Variants in DSTYK observed in about 807,000 individuals in gnomAD.
DSTYK encodes the protein dual serine/threonine and tyrosine protein kinase, also known as RIP-homologous kinase.
Under a neutral mutation model 98.7 loss-of-function variants are expected in DSTYK, and 34 were observed. The ratio of observed to expected loss-of-function variants is 0.34; its 90% CI spans 0.26 to 0.46. DSTYK has a LOEUF of 0.46. Ranked by LOEUF, DSTYK falls within the 20% of genes least tolerant of loss-of-function variation. The pLI is 1.00. For missense variants in DSTYK, 962 were observed against 1,181.7 expected, an observed-to-expected ratio of 0.81 and a Z score of 2.73; for synonymous variants, 462 against 457.3, an observed-to-expected ratio of 1.01 and a Z score of -0.13.
chr1:205,159,088 T>A (rs572448395), intron 9 of DSTYK, among the ~76,000 whole-genome samples: 1,949 of 144,570 alleles, frequency 0.013, 30 homozygotes, highest in African/African-American at 0.045. Flanking sequence ...TCTTTAAAAA[T>A]TTTTTTTTTT....
intron 2 of DSTYK, among the ~76,000 whole-genome samples, chr1:205,172,061 A>G (rs1658080594): frequency 6.6e-6 from 1 of 152,082 alleles, no homozygotes; most frequent in Non-Finnish European, 1.5e-5. Flanking sequence ...GTTCAAGTGA[A>G]TTCTCCTGCC....
Position 205,187,587 on chromosome 1 carries a change from C to G in DSTYK, c.485G>C (p.Arg162Pro). 6.2e-7 allele frequency: 1 copy of G among 1,614,138 alleles called. No individual in the cohort carries two copies. Among genetic ancestry groups the G allele is most frequent in the African/African-American group, 1.3e-5 (1 of 75,028 alleles). The change falls in exon 2 of 13, where the codon CGG becomes CCG. Residue 162 changes from arginine (R) to proline (P), a missense_variant. Transcript: ENST00000367162. The stretch of plus-strand genomic sequence containing the variant: ...CTGTCCAGGGAGCGCCAGGCTGACC[C>G]GAGTCTGAGTCCCATAGGTGAAGCG... ...RLRFTYGTQTRVSLALPGQYE... is the reference protein window; with the variant it reads ...RLRFTYGTQTPVSLALPGQYE...
intron 1 of DSTYK, among the ~76,000 whole-genome samples, chr1:205,196,812 T>C (rs942434845): frequency 2.1e-5 from 3 of 142,462 alleles, no homozygotes; most frequent in Admixed American, 7.5e-5. Flanking sequence ...TTGCCCAAGC[T>C]GGAGTACAAT....
Position 205,211,296 on chromosome 1 carries a change from A to T in DSTYK, c.240T>A (p.Asp80Glu), listed in dbSNP as rs1659368214. The T allele has an allele frequency of 6.2e-7, 1 of 1,608,624 alleles. No individual in the cohort carries two copies. Among genetic ancestry groups the T allele is most frequent in the Non-Finnish European group, 8.5e-7 (1 of 1,178,028 alleles). Residue 80 changes from aspartate to glutamate, a missense_variant, in exon 1 of 13, where the codon GAT becomes GAA. Coordinates refer to ENST00000367162, the MANE Select transcript of DSTYK (RefSeq NM_015375.3). Reference protein sequence around the residue: ...GGGAERGPAGDVAETGLQAGQ... With the variant: ...GGGAERGPAGEVAETGLQAGQ... ...CCGCCTGCAGCCCGGTTTCGGCGAC[A>T]TCGCCTGCAGGGCCGCGCTCGGCCC...
Position 205,149,840 on chromosome 1 carries a change from T to A in DSTYK, c.2467+840A>T, listed in dbSNP as rs187338303. Among the ~76,000 whole-genome samples the A allele has an allele frequency of 2.0e-5, 3 of 152,348 alleles. No individual in the cohort carries two copies. The East Asian group carries it at 5.8e-4, about 29-fold the overall frequency. On this transcript the variant is annotated intron_variant, in intron 11 of 12. Coordinates refer to ENST00000367162, the MANE Select transcript of DSTYK (RefSeq NM_015375.3). ...TTTGCTACTATTCCCCAAATGGATT[T>A]CTTTCCTGTCATGCTTATTTCTATT...
intron 2 of DSTYK, chr1:205,173,435 TTAAAG>T (rs1186172485): frequency 7.5e-5 from 11 of 146,936 alleles, no homozygotes; most frequent in South Asian, 4.4e-4. Context: ...AACAGTTACA[TTAAAG>T]TAAAGAATTA....
intron 3 of DSTYK, among the ~76,000 whole-genome samples, chr1:205,166,163 T>C (rs2102408171): frequency 6.6e-6 from 1 of 152,280 alleles, no homozygotes; most frequent in South Asian, 2.1e-4. Flanking sequence ...CCCTCTAAGA[T>C]ACATATTAAA....
chr1:205,203,230 C>G (rs2102479399), intron 1 of DSTYK, among the ~76,000 whole-genome samples: 1 of 151,456 alleles, frequency 6.6e-6, no homozygotes, highest in East Asian at 1.9e-4. Flanking sequence ...CGCCTGTAAT[C>G]CCAGCACCTT....
intron 10 of DSTYK, among the ~76,000 whole-genome samples, chr1:205,152,785 G>A (rs1657443420): frequency 6.6e-6 from 1 of 151,968 alleles, no homozygotes; most frequent in Non-Finnish European, 1.5e-5. Flanking sequence ...AGAAACTTTT[G>A]GATTTTGGAG....
In DSTYK at chr1:205,150,607, G is replaced by A. The variant is rs987600952; in HGVS notation, c.2467+73C>T. 11 of 1,230,660 alleles carry A rather than the reference G, an allele frequency of 8.9e-6. No homozygotes were observed. In the African/African-American group the frequency reaches 1.1e-4, roughly 12 times the overall value. The allele number at this position is 1,230,660 out of a possible 1,614,324, so 76.2% of individuals were successfully genotyped here. On this transcript the variant is annotated intron_variant, in intron 11 of 12. Transcript: ENST00000367162. The surrounding 1 kb of genome is among the most constrained non-coding windows in gnomAD (Gnocchi z 4.1). ...ACCTGCCAGTAGTGATTGTGGAAACGAGCTCAAGGGGTAGCACTCAGGATT... is the reference window on the plus strand; with the variant it reads ...ACCTGCCAGTAGTGATTGTGGAAACAAGCTCAAGGGGTAGCACTCAGGATT...
rs1657141835 is a variant in DSTYK at position 205,143,797 on chromosome 1, G to A, written c.*3761C>T. ...CAAGAATGCATTTGAGAGCTGACAG[G>A]TACTAGTCGAGAGTTCTATGAGTCC... On this transcript the variant is annotated 3_prime_UTR_variant, in exon 13 of 13. Transcript: ENST00000367162. The A allele has an allele frequency of 6.6e-6, 1 of 152,576 alleles. No individual in the cohort carries two copies. The highest frequency in any genetic ancestry group is 6.5e-5 in the Admixed American group (1 of 15,276). 9.5% of individuals were successfully genotyped at this position (152,576 alleles called of 1,614,324 possible).
intron 1 of DSTYK, among the ~76,000 whole-genome samples, chr1:205,192,806 G>A (rs1658750389): frequency 6.6e-6 from 1 of 152,178 alleles, no homozygotes; most frequent in Non-Finnish European, 1.5e-5. Flanking sequence ...AGGTTGTAGT[G>A]AGCCGAGATA....
chr1:205,204,461 C>CACACAT (rs1659143077), intron 1 of DSTYK, among the ~76,000 whole-genome samples: 1 of 151,450 alleles, frequency 6.6e-6, no homozygotes, highest in African/African-American at 2.4e-5. Flanking sequence ...ACCATACACA[C>CACACAT]ACACACACAC....
chr1:205,163,109 T>C, intron 4 of DSTYK, 103 bp from the exon 5 acceptor site: 1 of 994,290 alleles, frequency 1.0e-6, no homozygotes, highest in Non-Finnish European at 1.6e-6. Context: ...GACTCAGGGT[T>C]TCCAAACTTA....
intron 2 of DSTYK, among the ~76,000 whole-genome samples, chr1:205,185,225 T>C (rs1316595379): frequency 6.6e-6 from 1 of 151,868 alleles, no homozygotes; most frequent in Non-Finnish European, 1.5e-5. Context: ...ATAATAGTAA[T>C]TTAAAAAAAT....
At chr1:205,181,863 G>A (rs562687510) in intron 2 of DSTYK, among the ~76,000 whole-genome samples, 2 of 151,802 alleles carry the variant, frequency 1.3e-5, no homozygotes, top group African/African-American at 2.4e-5. Flanking sequence ...TTGTAGAGAC[G>A]AGGTCTCACT....
chr1:205,147,470 T>C lies in DSTYK; in HGVS notation c.*88A>G, dbSNP rs919347638. ...CACCAGTTCCCTTGGGAGTGTGTCC[T>C]ATAGTGAATAAATGTCAAATTCTCC... On this transcript the variant is annotated 3_prime_UTR_variant, in exon 13 of 13. Transcript: ENST00000367162. The C allele has an allele frequency of 3.5e-6, 5 of 1,445,510 alleles. No homozygotes were observed. In the African/African-American group the frequency reaches 4.2e-5, roughly 12 times the overall value. 89.5% of individuals were successfully genotyped at this position (1,445,510 alleles called of 1,614,324 possible).
chr1:205,167,606 G>A (rs1657927535), intron 3 of DSTYK, among the ~76,000 whole-genome samples: 1 of 152,186 alleles, frequency 6.6e-6, no homozygotes, highest in Non-Finnish European at 1.5e-5. Flanking sequence ...GAAAATACAG[G>A]AAAGTGCATA....
intron 1 of DSTYK, among the ~76,000 whole-genome samples, chr1:205,201,903 T>C (rs1431894035): frequency 1.3e-5 from 2 of 151,980 alleles, no homozygotes; most frequent in Non-Finnish European, 2.9e-5. Flanking sequence ...CTACTAAAAA[T>C]ACAAAATTAG....
Sources: gnomAD v4.1 joint callset for allele counts (sites outside exome capture counted in the v4.1 genomes callset) on GRCh38, gnomAD v4.1.1 for gene constraint, Gnocchi (gnomAD v3.1) non-coding constraint, MANE v1.5 for transcripts, NCBI Gene and HGNC (gene_info 2026-07-23, HGNC 2026-07-21) for gene names.